The following DNAH11 variants were observed in gnomAD, a reference collection of about 807,000 sequenced individuals.
DNAH11 encodes dynein axonemal heavy chain 11, also known as axonemal beta dynein heavy chain 11.
In DNAH11, 442 loss-of-function variants were observed where a neutral mutation model predicts 526.0. The observed-to-expected ratio is 0.84, with a 90% CI of 0.78 to 0.91. DNAH11 has a LOEUF of 0.91. DNAH11 is among the 40% of genes least tolerant of loss of function. The probability of loss-of-function intolerance (pLI) is 0.00; values close to 1 mark genes in which losing one functional copy is unlikely to be tolerated. For missense variants in DNAH11, 6,989 were observed against 5,448.7 expected, an observed-to-expected ratio of 1.28 and a Z score of -8.90; for synonymous variants, 2,461 against 1,935.9, an observed-to-expected ratio of 1.27 and a Z score of -7.12.
chr7:21,705,656 G>A, intron 39 of DNAH11, 119 bp downstream of exon 39: 1 of 978,040 alleles, frequency 1.0e-6, no homozygotes, highest in Non-Finnish European at 1.5e-6. Context: ...CCATAATTTT[G>A]GGTCAGAATC....
intron 55 of DNAH11, among the ~76,000 whole-genome samples, chr7:21,773,522 G>A (rs1787529257): frequency 6.6e-6 from 1 of 151,876 alleles, no homozygotes; most frequent in South Asian, 2.1e-4. Flanking sequence ...TTTGTATTTG[G>A]TATGTGGAGC....
intron 61 of DNAH11, among the ~76,000 whole-genome samples, chr7:21,798,485 C>T (rs1464839105): frequency 6.6e-6 from 1 of 152,194 alleles, no homozygotes; most frequent in Non-Finnish European, 1.5e-5. Context: ...GAAGTATTTA[C>T]TCTGTCTCTT....
chr7:21,867,820 A>G, intron 71 of DNAH11, 39 bp from the exon 72 acceptor site: 2 of 1,533,578 alleles, frequency 1.3e-6, no homozygotes, highest in Non-Finnish European at 1.8e-6. Flanking sequence ...TTCAAGGTCA[A>G]AACCACTGAT....
intron 22 of DNAH11, among the ~76,000 whole-genome samples, chr7:21,617,211 G>A (rs764875183): frequency 4.1e-4 from 62 of 152,200 alleles, no homozygotes; most frequent in Admixed American, 9.8e-4. Context: ...GCACTCAAAG[G>A]TAATCAACAT....
chr7:21,655,839 G>T lies in DNAH11; in HGVS notation c.4952G>T (p.Cys1651Phe), dbSNP rs1163663210. The change falls in exon 29 of 82, where the codon TGT becomes TTT. Residue 1651 changes from cysteine (C) to phenylalanine (F), a missense_variant. Transcript: ENST00000409508. ...SKGAQPKQVT[C>F]HLAKLFDSIA... Reference sequence around the variant, plus strand: ...CTAATATTCTCATTTTAGGTAACATGTCACCTTGCCAAACTTTTCGACAGC... The same window carrying T: ...CTAATATTCTCATTTTAGGTAACATTTCACCTTGCCAAACTTTTCGACAGC... The T allele has an allele frequency of 6.2e-7, 1 of 1,612,684 alleles. No individual in the cohort carries two copies. Among genetic ancestry groups the T allele is most frequent in the South Asian group, 1.1e-5 (1 of 90,856 alleles).
At chr7:21,884,665 C>A (rs1233887033) in intron 76 of DNAH11, among the ~76,000 whole-genome samples, 2 of 152,272 alleles carry the variant, frequency 1.3e-5, no homozygotes. Context: ...GCCTCACATG[C>A]ACTGACTCAT....
rs561200884 is a variant in DNAH11 at position 21,710,558 on chromosome 7, T to A, written c.6689T>A (p.Val2230Asp). The change falls in exon 41 of 82, where the codon GTT (valine) becomes GAT (aspartate). Residue 2230 changes from valine to aspartate, a missense_variant. Transcript: ENST00000409508. ...ATREWKDGKI[V>D]YSYFIGLFSS... ...TCAACTACATTATATATTAGGATTG[T>A]TTACTCTTATTTTATAGGTCTCTTC... The A allele has an allele frequency of 6.2e-7, 1 of 1,607,030 alleles. No homozygotes were observed. Among genetic ancestry groups the A allele is most frequent in the African/African-American group, 1.3e-5 (1 of 74,844 alleles).
At chr7:21,653,824 G>A (rs1034264954) in intron 28 of DNAH11, among the ~76,000 whole-genome samples, 2 of 152,194 alleles carry the variant, frequency 1.3e-5, no homozygotes, top group African/African-American at 4.8e-5. Context: ...AAAACTGCAT[G>A]TACAGCAAAA....
intron 65 of DNAH11, among the ~76,000 whole-genome samples, chr7:21,819,154 C>T (rs943530491): frequency 4.6e-5 from 7 of 152,100 alleles, no homozygotes; most frequent in African/African-American, 1.4e-4. Flanking sequence ...ACTGAGTTTC[C>T]TTCCCTCTCT....
rs1394295160 is a variant in DNAH11 at position 21,901,140 on chromosome 7, T to C, written c.13437T>C (p.Pro4479=). ...AAACCAAACAGACCTACGAGTGCCC[T>C]GTGTATAGAACCAAACTGAGAGGCC... ...RQETKQTYEC[P]VYRTKLRGPS... The change falls in exon 82 of 82, where the codon CCT becomes CCC. Residue 4479 remains proline, a synonymous_variant. Transcript: ENST00000409508. The C allele has an allele frequency of 4.3e-6, 7 of 1,613,220 alleles. No individual in the cohort carries two copies. Among genetic ancestry groups the C allele is most frequent in the Non-Finnish European group, 5.1e-6 (6 of 1,179,352 alleles).
At position 21,706,742 on chromosome 7, in the gene DNAH11, C is replaced by T. The variant is rs574769565; in HGVS notation, c.6547-957C>T. Among the ~76,000 whole-genome samples the T allele has an allele frequency of 3.9e-5, 6 of 152,282 alleles. No homozygotes were observed. The South Asian group carries it at 6.2e-4, about 16-fold the overall frequency. ...CCCGGAACACTGCAGCTCAGGGTGA[C>T]GTTCTTTAGCATCTTATCATTTCAA... On this transcript the variant is annotated intron_variant, in intron 39 of 81. Coordinates refer to ENST00000409508, the MANE Select transcript of DNAH11 (RefSeq NM_001277115.2).
At chr7:21,686,971 G>T (rs1783400129) in intron 32 of DNAH11, 128 bp from the exon 33 acceptor site, 3 of 762,278 alleles carry the variant, frequency 3.9e-6, no homozygotes, top group Admixed American at 3.5e-5. Flanking sequence ...CAAATCAGAA[G>T]TATATCAGTA....
intron 25 of DNAH11, among the ~76,000 whole-genome samples, chr7:21,621,070 G>C (rs1419832328): frequency 2.0e-5 from 3 of 151,966 alleles, no homozygotes; most frequent in African/African-American, 4.8e-5. Flanking sequence ...AATCCTTTGG[G>C]TGTATACCCA....
At chr7:21,872,139 A>AAAAAACAAACAAACT (rs1554291081) in intron 73 of DNAH11, among the ~76,000 whole-genome samples, 1 of 113,960 alleles carries the variant, frequency 8.8e-6, no homozygotes, top group African/African-American at 5.1e-5. Context: ...AAAAAAAAAA[A>AAAAAACAAACAAACT]AAAAAAAAAA....
At chr7:21,845,669 C>T (rs1419991847) in intron 66 of DNAH11, among the ~76,000 whole-genome samples, 2 of 152,008 alleles carry the variant, frequency 1.3e-5, no homozygotes, top group Non-Finnish European at 2.9e-5. Flanking sequence ...AATTCTCTGA[C>T]TTTGTTTTTC....
In DNAH11 at chr7:21,843,473, G is replaced by GT. The variant is rs931095695; in HGVS notation, c.10896+733dup. Among the ~76,000 whole-genome samples, 350 of 137,486 alleles carry GT rather than the reference G, an allele frequency of 2.5e-3. 2 individuals carry two copies. Among genetic ancestry groups the GT allele is most frequent in the African/African-American group, 0.01 (332 of 31,762 alleles). The allele number at this position is 137,486 out of a possible 152,430, so 90.2% of individuals were successfully genotyped here. On this transcript the variant is annotated intron_variant, in intron 66 of 81. Coordinates refer to ENST00000409508, the MANE Select transcript of DNAH11 (RefSeq NM_001277115.2). Reference sequence around the variant, plus strand: ...AACTATAAAGGAATGCTATGCTCAGGTTTTTTTTGTTTTTTTTTTTTTTTT... The same window carrying GT: ...AACTATAAAGGAATGCTATGCTCAGGTTTTTTTTTGTTTTTTTTTTTTTTTT...
intron 2 of DNAH11, among the ~76,000 whole-genome samples, chr7:21,546,297 G>A (rs943764984): frequency 2.0e-5 from 3 of 152,120 alleles, no homozygotes; most frequent in East Asian, 1.9e-4. Context: ...GTTTCCCTTC[G>A]CTCCTGTTGA....
At chr7:21,722,674 T>G (rs1784925490) in intron 44 of DNAH11, among the ~76,000 whole-genome samples, 1 of 152,236 alleles carries the variant, frequency 6.6e-6, no homozygotes, top group East Asian at 1.9e-4. Context: ...TTCTAAAGAT[T>G]AGCAGCCAAT....
chr7:21,726,465 A>G (rs543807636), intron 45 of DNAH11, among the ~76,000 whole-genome samples: 20 of 104,036 alleles, frequency 1.9e-4, no homozygotes, highest in East Asian at 2.7e-4. Flanking sequence ...TTTTTAAAAA[A>G]AAAGTCTTTT....
Sources: allele counts gnomAD v4.1 joint callset (sites outside exome capture counted in the v4.1 genomes callset), GRCh38; gene constraint gnomAD v4.1.1; transcripts MANE v1.5; gene names NCBI Gene and HGNC (gene_info 2026-07-23, HGNC 2026-07-21).